The following WDPCP variants were observed in gnomAD, a reference collection of about 807,000 sequenced individuals.
WDPCP encodes WD repeat-containing and planar cell polarity effector protein fritz homolog.
A neutral mutation model predicts 93.1 loss-of-function variants in WDPCP; 71 were observed. That is an observed-to-expected ratio of 0.76 (90% CI 0.63 to 0.93). The LOEUF (loss-of-function observed/expected upper bound fraction) is 0.93, where lower values mean the gene tolerates loss of function less well. Among genes scored for constraint, WDPCP ranks in the 40% least tolerant of loss-of-function variants. The probability of loss-of-function intolerance (pLI) is 0.00; values close to 1 mark genes in which losing one functional copy is unlikely to be tolerated. For synonymous variants in WDPCP, 315 were observed against 315.0 expected (o/e 1.00, Z 0.00); for missense variants, 844 against 887.4 (o/e 0.95, Z 0.62).
At chr2:63,590,446 C>T (rs973368112), upstream of WDPCP, 2 of 152,138 alleles carry the variant, frequency 1.3e-5, no homozygotes, top group Non-Finnish European at 2.9e-5. Flanking sequence ...AGACAGTGTA[C>T]TCAACTCCCT....
chr2:63,820,717 G>T (rs1273066233), intron 1 of WDPCP, among the ~76,000 whole-genome samples: 1 of 152,026 alleles, frequency 6.6e-6, no homozygotes, highest in Non-Finnish European at 1.5e-5. Flanking sequence ...GGAAACGGTG[G>T]TTTTTTGGGG....
intron 11 of WDPCP, among the ~76,000 whole-genome samples, chr2:63,380,534 C>T (rs1006250272): frequency 6.6e-6 from 1 of 151,952 alleles, no homozygotes; most frequent in Non-Finnish European, 1.5e-5. Flanking sequence ...TGAGGCCAAC[C>T]TGGGCAACAT....
At chr2:63,513,518 C>T (rs1006459491) in intron 1 of WDPCP, among the ~76,000 whole-genome samples, 1 of 152,164 alleles carries the variant, frequency 6.6e-6, no homozygotes, top group East Asian at 1.9e-4. Flanking sequence ...CTCCTGTCTC[C>T]CTCCTCTTTT....
intron 17 of WDPCP, among the ~76,000 whole-genome samples, chr2:63,122,770 A>AG (rs1430777926): frequency 6.6e-6 from 1 of 152,168 alleles, no homozygotes; most frequent in Non-Finnish European, 1.5e-5. Context: ...TAAAAGTAAA[A>AG]GGTAAAGAGA....
chr2:63,371,192 A>C (rs1691348344), intron 12 of WDPCP, among the ~76,000 whole-genome samples: 1 of 152,158 alleles, frequency 6.6e-6, no homozygotes, highest in Non-Finnish European at 1.5e-5. Flanking sequence ...AGGTCAAAAC[A>C]CTTGAAGTCA....
At chr2:63,809,775 G>A (rs1250865537) in intron 2 of WDPCP, among the ~76,000 whole-genome samples, 5 of 151,978 alleles carry the variant, frequency 3.3e-5, no homozygotes, top group African/African-American at 1.2e-4. Context: ...CAAACACTGC[G>A]GAAGGCCGCA....
chr2:63,232,635 A>ATAT (rs1444266021), intron 14 of WDPCP: 1 of 153,074 alleles, frequency 6.5e-6, no homozygotes, highest in African/African-American at 2.4e-5. Flanking sequence ...AGTGCATGAG[A>ATAT]TATTAAAGAC....
At chr2:63,776,525 G>A (rs771214537) in intron 2 of WDPCP, among the ~76,000 whole-genome samples, 53 of 151,564 alleles carry the variant, frequency 3.5e-4, no homozygotes, top group Non-Finnish European at 5.0e-4. Context: ...GTGTGGTGGC[G>A]CATGCCTATA....
intron 13 of WDPCP, among the ~76,000 whole-genome samples, chr2:63,266,506 C>A (rs1391127402): frequency 6.6e-6 from 1 of 152,126 alleles, no homozygotes; most frequent in Non-Finnish European, 1.5e-5. Context: ...AAAGAAGACA[C>A]AAATAAATGG....
intron 2 of WDPCP, among the ~76,000 whole-genome samples, chr2:63,718,282 A>G (rs1391203810): frequency 6.6e-6 from 1 of 152,146 alleles, no homozygotes; most frequent in African/African-American, 2.4e-5. Context: ...CAGTAGTGAG[A>G]TTGCTGGATC....
intron 14 of WDPCP, chr2:63,229,619 A>G (rs901444453): frequency 1.3e-5 from 2 of 152,070 alleles, no homozygotes; most frequent in Non-Finnish European, 1.5e-5. Flanking sequence ...TATAAGGTGT[A>G]AGGAAGGGAT....
intron 1 of WDPCP, among the ~76,000 whole-genome samples, chr2:63,563,981 C>T (rs1469018256): frequency 2.0e-5 from 3 of 152,122 alleles, no homozygotes; most frequent in South Asian, 2.1e-4. Flanking sequence ...TTAAATTGTA[C>T]ACTTTAAAAG....
chr2:63,622,455 A>T, intron 3 of WDPCP: 1 of 1,613,762 alleles, frequency 6.2e-7, no homozygotes, highest in Non-Finnish European at 8.5e-7. Flanking sequence ...TTCCCGGCGG[A>T]TTTCAGTCCA....
intron 17 of WDPCP, among the ~76,000 whole-genome samples, chr2:63,142,149 T>C (rs1452616063): frequency 6.6e-6 from 1 of 152,238 alleles, no homozygotes; most frequent in Non-Finnish European, 1.5e-5. Context: ...TCTGCTCTCA[T>C]CTTGGCAGTT....
At chr2:63,599,303 T>C (rs1167932966) in intron 3 of WDPCP, 1 of 1,607,008 alleles carries the variant, frequency 6.2e-7, no homozygotes, top group Admixed American at 1.7e-5. Context: ...GTAAGAAAAA[T>C]ATATTTTAAA....
intron 1 of WDPCP, among the ~76,000 whole-genome samples, chr2:63,587,378 C>A (rs1708930709): frequency 6.6e-6 from 1 of 151,924 alleles, no homozygotes; most frequent in African/African-American, 2.4e-5. Context: ...TGTCTGAGAG[C>A]CAAATGAATA....
chr2:63,323,314 A>G (rs1687267307), intron 12 of WDPCP, among the ~76,000 whole-genome samples: 1 of 152,148 alleles, frequency 6.6e-6, no homozygotes, highest in Non-Finnish European at 1.5e-5. Flanking sequence ...AGTTTCTCCT[A>G]TAAGAATGAT....
At chr2:63,448,437 AACACACAC>A (rs35247066) in intron 6 of WDPCP, among the ~76,000 whole-genome samples, 14 of 148,764 alleles carry the variant, frequency 9.4e-5, no homozygotes, top group East Asian at 6.0e-4. Flanking sequence ...AAAATACATC[AACACACAC>A]ACACACACAC....
chr2:63,408,630 G>C (rs886661876), intron 9 of WDPCP, among the ~76,000 whole-genome samples: 1 of 152,172 alleles, frequency 6.6e-6, no homozygotes, highest in African/African-American at 2.4e-5. Context: ...TTCTTTCACA[G>C]CTAGGAGGCA....
Sources: gnomAD v4.1 joint callset for allele counts (sites outside exome capture counted in the v4.1 genomes callset) on GRCh38, gnomAD v4.1.1 for gene constraint, MANE v1.5 for transcripts, NCBI Gene and HGNC (gene_info 2026-07-23, HGNC 2026-07-21) for gene names.